Variants in APBB2 observed in about 807,000 individuals in gnomAD.
APBB2 encodes Fe65-like 1.
In APBB2, 38 loss-of-function variants were observed where a neutral mutation model predicts 82.5. That is an observed-to-expected ratio of 0.46 (90% CI 0.36 to 0.60). The LOEUF (loss-of-function observed/expected upper bound fraction) is 0.60, where lower values mean the gene tolerates loss of function less well. APBB2 is among the 20% of genes least tolerant of loss of function. The probability of loss-of-function intolerance (pLI) is 0.00; values close to 1 mark genes in which losing one functional copy is unlikely to be tolerated. For missense variants in APBB2, 772 were observed against 972.3 expected (o/e 0.79, Z 2.74); for synonymous variants, 341 against 368.2 (o/e 0.93, Z 0.85).
chr4:41,150,471 T>C (rs1003566806), intron 1 of APBB2, among the ~76,000 whole-genome samples: 2 of 152,234 alleles, frequency 1.3e-5, no homozygotes, highest in Admixed American at 6.5e-5. Context: ...GCTAACACCT[T>C]TTCACAATTC....
At chr4:40,898,269 G>A (rs942176191) in intron 10 of APBB2, among the ~76,000 whole-genome samples, 1 of 152,154 alleles carries the variant, frequency 6.6e-6, no homozygotes, top group African/African-American at 2.4e-5. Context: ...TTTTTTGTTT[G>A]TTTATTATTT....
intron 2 of APBB2, among the ~76,000 whole-genome samples, chr4:41,125,895 C>G (rs1022646292): frequency 6.6e-6 from 1 of 152,168 alleles, no homozygotes; most frequent in Non-Finnish European, 1.5e-5. Flanking sequence ...CAAAGACAGC[C>G]GTCCACAAAG....
intron 12 of APBB2, among the ~76,000 whole-genome samples, chr4:40,844,115 A>C (rs1275880508): frequency 1.3e-5 from 2 of 151,158 alleles, no homozygotes; most frequent in African/African-American, 4.9e-5. Context: ...GTGGCTAAAA[A>C]TTCCTAAGAG....
intron 4 of APBB2, among the ~76,000 whole-genome samples, chr4:41,059,925 A>G (rs988970146): frequency 2.6e-5 from 4 of 151,850 alleles, no homozygotes; most frequent in African/African-American, 9.7e-5. Context: ...GGTTGCAGTG[A>G]GTCAAGATCG....
intron 12 of APBB2, among the ~76,000 whole-genome samples, chr4:40,864,191 T>A (rs1763489658): frequency 6.6e-6 from 1 of 151,748 alleles, no homozygotes; most frequent in African/African-American, 2.4e-5. Flanking sequence ...AAGGTAGAGG[T>A]TGGAGTGAGC....
intron 6 of APBB2, among the ~76,000 whole-genome samples, chr4:40,976,748 A>G (rs4861348): frequency 0.39 from 58,653 of 151,932 alleles, 12,345 homozygotes; most frequent in East Asian, 0.71. Context: ...TTAATTTCCT[A>G]TTTATTCAGA....
intron 1 of APBB2, among the ~76,000 whole-genome samples, chr4:41,190,315 G>A (rs1219496726): frequency 3.7e-5 from 5 of 136,774 alleles, no homozygotes; most frequent in African/African-American, 1.1e-4. Context: ...GCAGTGCCGC[G>A]ATCTCGGCTC....
chr4:41,030,485 T>C (rs1335054963), intron 5 of APBB2, among the ~76,000 whole-genome samples: 1 of 152,118 alleles, frequency 6.6e-6, no homozygotes, highest in East Asian at 1.9e-4. Flanking sequence ...CAGCCTCAAA[T>C]TCCTGGGCTC....
chr4:40,914,611 A>C (rs181291981), intron 10 of APBB2, among the ~76,000 whole-genome samples: 2 of 152,188 alleles, frequency 1.3e-5, no homozygotes, highest in Non-Finnish European at 2.9e-5. Flanking sequence ...AATAAATGGA[A>C]ACACATAAAA....
intron 6 of APBB2, among the ~76,000 whole-genome samples, chr4:40,952,799 C>T: frequency 6.6e-6 from 1 of 152,176 alleles, no homozygotes. Flanking sequence ...GTTATAAAAG[C>T]TAGTAACAGT....
At chr4:41,029,325 T>C (rs1374534596) in intron 5 of APBB2, among the ~76,000 whole-genome samples, 1 of 152,208 alleles carries the variant, frequency 6.6e-6, no homozygotes, top group African/African-American at 2.4e-5. Context: ...AAACCTTCAA[T>C]GTGACAAAAA....
At chr4:40,905,312 G>C (rs1156569486) in intron 10 of APBB2, among the ~76,000 whole-genome samples, 1 of 152,178 alleles carries the variant, frequency 6.6e-6, no homozygotes, top group Non-Finnish European at 1.5e-5. Flanking sequence ...ATCCCCTGCA[G>C]TTGGGAAACA....
chr4:41,195,764 T>C, intron 1 of APBB2, among the ~76,000 whole-genome samples: 2 of 151,856 alleles, frequency 1.3e-5, no homozygotes, highest in African/African-American at 2.4e-5. Flanking sequence ...CTGATCCCAT[T>C]CCCACCCTGC....
rs1744768745 is a variant in APBB2 at position 40,813,205 on chromosome 4, AGATT to A, written c.*2883_*2886del. 1 of 152,256 alleles carries A rather than the reference AGATT, an allele frequency of 6.6e-6. No homozygotes were observed. Among genetic ancestry groups the A allele is most frequent in the Non-Finnish European group, 1.5e-5 (1 of 68,048 alleles). 9.4% of individuals were successfully genotyped at this position (152,256 alleles called of 1,614,324 possible). Reference sequence around the variant, plus strand: ...TTTTTAGGCAATGTATAGTTCACTGAGATTACTTAGATCTGGATACACTGGGAGA... The same window carrying A: ...TTTTTAGGCAATGTATAGTTCACTGAACTTAGATCTGGATACACTGGGAGA... On this transcript the variant is annotated 3_prime_UTR_variant, in exon 18 of 18. Transcript: ENST00000508593.
rs61069420 is a variant in APBB2 at position 40,881,539 on chromosome 4, T to C, written c.1529+8825A>G. On this transcript the variant is annotated intron_variant, in intron 12 of 17. Coordinates refer to ENST00000508593, the MANE Select transcript of APBB2 (RefSeq NM_004307.2). Reference sequence around the variant, plus strand: ...TTATCTTTTCTTTTCTTTTTCTTTTTTTTTTTTTTTTTGATACAGACTCTC... The same window carrying C: ...TTATCTTTTCTTTTCTTTTTCTTTTCTTTTTTTTTTTTGATACAGACTCTC... 9.5e-3 allele frequency: 2,374 copies of C among 250,158 alleles called. 125 individuals carry two copies. Among genetic ancestry groups the C allele is most frequent in the African/African-American group, 0.056 (2,217 of 39,276 alleles). 15.5% of individuals were successfully genotyped at this position (250,158 alleles called of 1,614,324 possible). A position where few individuals can be genotyped will look rare whatever the true frequency, so the allele number is the denominator to read the frequency against.
At chr4:40,953,712 C>A (rs1790847394) in intron 6 of APBB2, among the ~76,000 whole-genome samples, 1 of 152,180 alleles carries the variant, frequency 6.6e-6, no homozygotes, top group African/African-American at 2.4e-5. Flanking sequence ...AGGCTGAGAT[C>A]CACATGCTTC....
intron 6 of APBB2, among the ~76,000 whole-genome samples, chr4:40,987,690 G>A (rs969075904): frequency 6.6e-6 from 1 of 152,168 alleles, no homozygotes; most frequent in Non-Finnish European, 1.5e-5. Flanking sequence ...AAATGGAAAA[G>A]GCAGAAGAGC....
At chr4:41,117,289 A>AT (rs1560796246) in intron 2 of APBB2, among the ~76,000 whole-genome samples, 3 of 133,660 alleles carry the variant, frequency 2.2e-5, no homozygotes, top group Non-Finnish European at 4.8e-5. Context: ...TGTTATTATT[A>AT]TTATTATTTT....
chr4:40,982,831 T>C (rs1345234226), intron 6 of APBB2, among the ~76,000 whole-genome samples: 4 of 151,980 alleles, frequency 2.6e-5, no homozygotes, highest in African/African-American at 9.7e-5. Flanking sequence ...CTTTCACTTA[T>C]CCAAATGCAG....
Sources: allele counts gnomAD v4.1 joint callset (sites outside exome capture counted in the v4.1 genomes callset), GRCh38; gene constraint gnomAD v4.1.1; transcripts MANE v1.5; gene names NCBI Gene and HGNC (gene_info 2026-07-23, HGNC 2026-07-21).